LMCD1: variants seen among roughly 807,000 people sequenced by gnomAD.
LMCD1 encodes the protein LIM and cysteine-rich domains protein 1.
In LMCD1, 32 loss-of-function variants were observed where a neutral mutation model predicts 42.7. The ratio of observed to expected loss-of-function variants is 0.75; its 90% CI spans 0.57 to 1.01. LMCD1 has a LOEUF of 1.01. Among genes scored for constraint, LMCD1 ranks in the 50% least tolerant of loss-of-function variants. The probability of loss-of-function intolerance (pLI) is 0.00; values close to 1 mark genes in which losing one functional copy is unlikely to be tolerated. For missense variants in LMCD1, 458 were observed against 483.1 expected, an observed-to-expected ratio of 0.95 and a Z score of 0.49; for synonymous variants, 178 against 184.9, an observed-to-expected ratio of 0.96 and a Z score of 0.30.
intron 1 of LMCD1, among the ~76,000 whole-genome samples, chr3:8,503,657 T>C (rs1268048118): frequency 6.6e-6 from 1 of 152,232 alleles, no homozygotes; most frequent in Non-Finnish European, 1.5e-5. Flanking sequence ...CTCATGAGAA[T>C]ATCTGTCCAG....
Position 8,519,907 on chromosome 3 carries a change from C to T in LMCD1, c.43-12830C>T, listed in dbSNP as rs191926650. Among the ~76,000 whole-genome samples the T allele has an allele frequency of 1.5e-3, 219 of 150,880 alleles. 4 individuals carry two copies. Among genetic ancestry groups the T allele is most frequent in the Middle Eastern group, 7.1e-3 (2 of 282 alleles). ...GGAAATCCTTTTCCATGTGCACACA[C>T]GTGTGTGTGTGAGAGAGAGTGTGTG... On this transcript the variant is annotated intron_variant, in intron 1 of 5. Coordinates refer to ENST00000157600, the MANE Select transcript of LMCD1 (RefSeq NM_014583.4).
At chr3:8,551,270 A>G (rs1694834164) in intron 4 of LMCD1, 6 of 985,336 alleles carry the variant, frequency 6.1e-6, no homozygotes, top group Non-Finnish European at 4.8e-6. Flanking sequence ...TATGTGACCC[A>G]TGAATGAAAG....
chr3:8,532,954 G>C, intron 2 of LMCD1, 129 bp downstream of exon 2: 2 of 755,286 alleles, frequency 2.6e-6, no homozygotes, highest in African/African-American at 1.7e-5. Context: ...TGGCTGCAGA[G>C]GGAAGGCACT....
At chr3:8,528,107 G>A (rs36054183) in intron 1 of LMCD1, among the ~76,000 whole-genome samples, 23,302 of 152,180 alleles carry the variant, frequency 0.15, 2,292 homozygotes, top group Non-Finnish European at 0.23. Context: ...AATTTCTCTA[G>A]ATAATCCTAT....
intron 2 of LMCD1, among the ~76,000 whole-genome samples, chr3:8,536,831 G>A (rs941697217): frequency 6.6e-6 from 1 of 152,178 alleles, no homozygotes; most frequent in Non-Finnish European, 1.5e-5. Flanking sequence ...AGAGCAGATT[G>A]TGGGCCAAGT....
At chr3:8,517,558 G>A (rs1024228464) in intron 1 of LMCD1, among the ~76,000 whole-genome samples, 1 of 152,154 alleles carries the variant, frequency 6.6e-6, no homozygotes, top group Non-Finnish European at 1.5e-5. Context: ...TTGATACACA[G>A]GCATGCACTG....
intron 1 of LMCD1, among the ~76,000 whole-genome samples, chr3:8,528,659 C>A (rs528292030): frequency 1.2e-3 from 185 of 152,180 alleles, no homozygotes; most frequent in South Asian, 2.1e-3. Context: ...GAAGGAGAAC[C>A]CCCATTTTCT....
intron 1 of LMCD1, among the ~76,000 whole-genome samples, chr3:8,512,418 A>C (rs1212836320): frequency 6.6e-6 from 1 of 152,240 alleles, no homozygotes; most frequent in East Asian, 1.9e-4. Flanking sequence ...GATTTTTGTC[A>C]GTTGTACATG....
intron 4 of LMCD1, among the ~76,000 whole-genome samples, chr3:8,555,696 G>A (rs972995576): frequency 7.1e-6 from 1 of 140,068 alleles, no homozygotes; most frequent in Non-Finnish European, 1.5e-5. Flanking sequence ...TTTCCATGTT[G>A]CCACATGGCC....
At chr3:8,566,354 A>G (rs1381856869) in intron 5 of LMCD1, among the ~76,000 whole-genome samples, 3 of 152,204 alleles carry the variant, frequency 2.0e-5, no homozygotes, top group Non-Finnish European at 4.4e-5. Context: ...CAATATACTA[A>G]CTTCATCTTT....
At chr3:8,512,929 T>G (rs1263260947) in intron 1 of LMCD1, among the ~76,000 whole-genome samples, 3 of 152,152 alleles carry the variant, frequency 2.0e-5, no homozygotes, top group Non-Finnish European at 2.9e-5. Flanking sequence ...ACTATGGCCT[T>G]TCAAGTTCAG....
intron 2 of LMCD1, 55 bp from the exon 3 acceptor site, chr3:8,537,130 T>C (rs1260291158): frequency 1.9e-6 from 3 of 1,577,770 alleles, no homozygotes; most frequent in South Asian, 2.3e-5. Context: ...AGCAGGAGAA[T>C]GTGCCTCTTT....
chr3:8,553,859 C>T (rs1307876472), intron 4 of LMCD1, among the ~76,000 whole-genome samples: 3 of 152,110 alleles, frequency 2.0e-5, no homozygotes, highest in African/African-American at 7.2e-5. Flanking sequence ...CCACTGTCAC[C>T]CCTGAAGAAG....
At chr3:8,526,191 A>G (rs1473233870) in intron 1 of LMCD1, among the ~76,000 whole-genome samples, 1 of 152,172 alleles carries the variant, frequency 6.6e-6, no homozygotes, top group Non-Finnish European at 1.5e-5. Context: ...ATCTCATGAC[A>G]CACTGTTTCT....
At chr3:8,522,162 A>G (rs533864243) in intron 1 of LMCD1, among the ~76,000 whole-genome samples, 2 of 152,196 alleles carry the variant, frequency 1.3e-5, no homozygotes, top group South Asian at 4.2e-4. Flanking sequence ...CTTTCCACAT[A>G]TGGATTTACT....
At chr3:8,542,002 C>CTTTTTTTTTTTTTT (rs1187864989) in intron 3 of LMCD1, among the ~76,000 whole-genome samples, 1 of 76,734 alleles carries the variant, frequency 1.3e-5, no homozygotes. Context: ...GAGGCTGGAG[C>CTTTTTTTTTTTTTT]TTTTTTTTTT....
intron 1 of LMCD1, among the ~76,000 whole-genome samples, chr3:8,508,209 G>A (rs1327339246): frequency 6.6e-6 from 1 of 152,152 alleles, no homozygotes; most frequent in Non-Finnish European, 1.5e-5. Flanking sequence ...AGAGCTTTCA[G>A]GAAACTCTGC....
At chr3:8,523,253 T>C (rs3774218) in intron 1 of LMCD1, among the ~76,000 whole-genome samples, 60,072 of 152,122 alleles carry the variant, frequency 0.39, 12,919 homozygotes, top group Non-Finnish European at 0.5. Context: ...ATTAAAGGGA[T>C]TTCTTCACAT....
intron 1 of LMCD1, among the ~76,000 whole-genome samples, chr3:8,518,946 T>C (rs1029248832): frequency 2.0e-5 from 3 of 152,176 alleles, no homozygotes; most frequent in Non-Finnish European, 4.4e-5. Flanking sequence ...ATCTAACATA[T>C]ATTAGCTTTT....
Sources: allele counts gnomAD v4.1 joint callset (sites outside exome capture counted in the v4.1 genomes callset), GRCh38; gene constraint gnomAD v4.1.1; transcripts MANE v1.5; gene names NCBI Gene and HGNC (gene_info 2026-07-23, HGNC 2026-07-21).